TSBP1: variants seen among roughly 807,000 people sequenced by gnomAD.
TSBP1 encodes the protein testis expressed basic protein 1.
TSBP1 carries 56 observed loss-of-function variants against 68.8 expected under a neutral mutation model. That is an observed-to-expected ratio of 0.81 (90% CI 0.66 to 1.02). The LOEUF is 1.02. Ranked by LOEUF, TSBP1 falls within the 50% of genes least tolerant of loss-of-function variation. The pLI is 0.00. For synonymous variants in TSBP1, 171 were observed against 208.7 expected (o/e 0.82, Z 1.56); for missense variants, 502 against 641.2 (o/e 0.78, Z 2.34).
chr6:32,370,407 G>GTGTGTATA lies in TSBP1; in HGVS notation c.14-425_14-424insTATACACA, dbSNP rs1241237254. On this transcript the variant is annotated intron_variant, in intron 1 of 22. Transcript: ENST00000612031. ...TACCTTTAAAGTTGCAAGATTTTCT[G>GTGTGTATA]TATATATATATATATATATATATAT... 4.6e-5 allele frequency among the ~76,000 whole-genome samples: 6 copies of GTGTGTATA among 130,708 alleles called. 1 individual carries two copies. The East Asian group carries it at 1.3e-3, about 28-fold the overall frequency. The allele number at this position is 130,708 out of a possible 152,430, so 85.7% of individuals were successfully genotyped here.
intron 22 of TSBP1, among the ~76,000 whole-genome samples, chr6:32,296,303 CAA>C (rs1277983230): frequency 6.6e-6 from 1 of 152,082 alleles, no homozygotes; most frequent in Non-Finnish European, 1.5e-5. Flanking sequence ...AATTATAAAT[CAA>C]AAGAGTTGTT....
intron 19 of TSBP1, among the ~76,000 whole-genome samples, chr6:32,311,080 G>A (rs186813479): frequency 6.6e-6 from 1 of 152,050 alleles, no homozygotes; most frequent in Admixed American, 6.6e-5. Context: ...CTTCTCTTGA[G>A]TGCTGCGAGA....
chr6:32,347,164 GATTT>G (rs1431095379), intron 9 of TSBP1, among the ~76,000 whole-genome samples: 2 of 64,550 alleles, frequency 3.1e-5, no homozygotes, highest in Non-Finnish European at 5.8e-5. Context: ...AGCCCTCTTA[GATTT>G]TTTTTTTTTT....
In TSBP1 at chr6:32,300,014, C is replaced by G; in HGVS notation, c.623-78G>C. ...AACCCACCTTCCAATAGTATCCTTCCTAGGTGAACTTAGAAACAGGACTTG... is the reference window on the plus strand; with the variant it reads ...AACCCACCTTCCAATAGTATCCTTCGTAGGTGAACTTAGAAACAGGACTTG... On this transcript the variant is annotated intron_variant, in intron 21 of 22. Coordinates refer to ENST00000612031, the Ensembl canonical transcript of TSBP1. 5 of 1,142,318 alleles carry G rather than the reference C, an allele frequency of 4.4e-6. No homozygotes were observed. In the South Asian group the frequency reaches 4.9e-5, roughly 11 times the overall value. The allele number at this position is 1,142,318 out of a possible 1,614,324, so 70.8% of individuals were successfully genotyped here.
In TSBP1 at chr6:32,333,158, G is replaced by A. The variant is rs1423221290; in HGVS notation, c.473-1104C>T. On this transcript the variant is annotated intron_variant, in intron 14 of 22. Coordinates refer to ENST00000612031, the Ensembl canonical transcript of TSBP1. This position sits in a 1 kb window ranked among gnomAD's most constrained non-coding sequence, Gnocchi z 4.2. ...TGAGTAGCTGGGACTGCAGGCGCAC[G>A]ACACCACACCCAGCTAATTTTTGTA... Among the ~76,000 whole-genome samples, 2 of 151,786 alleles carry A rather than the reference G, an allele frequency of 1.3e-5. No homozygotes were observed. Among genetic ancestry groups the A allele is most frequent in the African/African-American group, 2.4e-5 (1 of 41,292 alleles).
intron 9 of TSBP1, among the ~76,000 whole-genome samples, chr6:32,348,698 T>C (rs1017678821): frequency 4.6e-5 from 7 of 152,172 alleles, no homozygotes; most frequent in African/African-American, 1.7e-4. Context: ...TTTTACTCTT[T>C]TGCTAGCTAT....
intron 2 of TSBP1, among the ~76,000 whole-genome samples, chr6:32,369,621 G>A (rs937310749): frequency 9.2e-5 from 14 of 152,162 alleles, no homozygotes; most frequent in South Asian, 2.1e-4. Context: ...CGCCCGCCTT[G>A]GCCTCCCAAA....
At chr6:32,358,106 A>T (rs1397697164) in intron 6 of TSBP1, among the ~76,000 whole-genome samples, 1 of 152,220 alleles carries the variant, frequency 6.6e-6, no homozygotes, top group Non-Finnish European at 1.5e-5. Context: ...TATTAATAAA[A>T]TGAAAAAATG....
chr6:32,294,733 C>G (rs1361104386), intron 22 of TSBP1, among the ~76,000 whole-genome samples: 2 of 151,234 alleles, frequency 1.3e-5, no homozygotes, highest in Non-Finnish European at 2.9e-5. Context: ...TTACTGTAGA[C>G]TACTTCTTGC....
chr6:32,295,381 G>T (rs1764609440), intron 22 of TSBP1, among the ~76,000 whole-genome samples: 1 of 146,806 alleles, frequency 6.8e-6, no homozygotes, highest in Non-Finnish European at 1.5e-5. Context: ...GAAGACCTAG[G>T]TTTATTATTC....
intron 6 of TSBP1, among the ~76,000 whole-genome samples, chr6:32,356,400 TATA>T (rs1242068548): frequency 6.6e-6 from 1 of 152,196 alleles, no homozygotes; most frequent in East Asian, 1.9e-4. Context: ...TTCTCTGTTT[TATA>T]ATAATGTTTC....
In TSBP1 at chr6:32,365,582, G is replaced by A. The variant is rs1007269936; in HGVS notation, c.217+585C>T. 3 of 456,372 alleles carry A rather than the reference G, an allele frequency of 6.6e-6. No individual in the cohort carries two copies. Among genetic ancestry groups the A allele is most frequent in the Middle Eastern group, 3.2e-4 (1 of 3,092 alleles). The allele number at this position is 456,372 out of a possible 1,614,324, so 28.3% of individuals were successfully genotyped here. ...CATCTCAATGTTCTGGGTGGAGTGAGAAATAAGTGGGCTTATCGGACAGCA... is the reference window on the plus strand; with the variant it reads ...CATCTCAATGTTCTGGGTGGAGTGAAAAATAAGTGGGCTTATCGGACAGCA... On this transcript the variant is annotated intron_variant, in intron 6 of 22. Transcript: ENST00000612031. This position sits in a 1 kb window ranked among gnomAD's most constrained non-coding sequence, Gnocchi z 4.3.
At chr6:32,344,636 C>T (rs1770766893) in intron 9 of TSBP1, among the ~76,000 whole-genome samples, 1 of 152,038 alleles carries the variant, frequency 6.6e-6, no homozygotes, top group African/African-American at 2.4e-5. Flanking sequence ...AAAAAAAATC[C>T]CTCACACTAC....
At chr6:32,293,232 G>A (rs1215693549) in exon 23 of TSBP1, 2 of 1,612,018 alleles carry the variant, frequency 1.2e-6, no homozygotes, top group South Asian at 2.2e-5. Context: ...TGTCCTTTTA[G>A]TACACCTGAC....
Position 32,340,670 on chromosome 6 carries a change from A to G in TSBP1, c.350-1032T>C, listed in dbSNP as rs1228103555. On this transcript the variant is annotated intron_variant, in intron 9 of 22. Transcript: ENST00000612031. The surrounding 1 kb of genome is among the most constrained non-coding windows in gnomAD (Gnocchi z 4.8). The stretch of plus-strand genomic sequence containing the variant: ...ATTTTAGGATACATGTGAGCTGAGC[A>G]GGAAAGAGAATCATGATAAATTACT... Among the ~76,000 whole-genome samples, 3 of 152,238 alleles carry G rather than the reference A, an allele frequency of 2.0e-5. No homozygotes were observed. The highest frequency in any genetic ancestry group is 7.2e-5 in the African/African-American group (3 of 41,460).
At position 32,338,859 on chromosome 6, in the gene TSBP1, G is replaced by A; in HGVS notation, c.409+120C>T. 2 of 836,512 alleles carry A rather than the reference G, an allele frequency of 2.4e-6. No homozygotes were observed. The highest frequency in any genetic ancestry group is 2.3e-4 in the Middle Eastern group (1 of 4,386). 51.8% of individuals were successfully genotyped at this position (836,512 alleles called of 1,614,324 possible). ...AGATAAGAATAGGGAATAAACAAGG[G>A]GAAAGGAATGGACAATTTGTGAAAG... On this transcript the variant is annotated intron_variant, in intron 11 of 22. Coordinates refer to ENST00000612031, the Ensembl canonical transcript of TSBP1. This position sits in a 1 kb window ranked among gnomAD's most constrained non-coding sequence, Gnocchi z 5.5.
intron 4 of TSBP1, 51 bp downstream of exon 4, chr6:32,367,874 C>A: frequency 7.2e-7 from 1 of 1,387,386 alleles, no homozygotes. Context: ...GATTCACACT[C>A]TAAAGAGTAT....
intron 9 of TSBP1, among the ~76,000 whole-genome samples, chr6:32,348,823 T>A (rs1771358892): frequency 6.6e-6 from 1 of 152,204 alleles, no homozygotes; most frequent in South Asian, 2.1e-4. Flanking sequence ...CCTTGTCCCC[T>A]ACTCCCATTC....
intron 10 of TSBP1, 64 bp from the exon 12 acceptor site, chr6:32,339,063 A>C: frequency 7.6e-7 from 1 of 1,321,494 alleles, no homozygotes; most frequent in South Asian, 1.2e-5. Flanking sequence ...TATCTCAGGG[A>C]GTTTCAGATC....
Sources: gnomAD v4.1 joint callset for allele counts (sites outside exome capture counted in the v4.1 genomes callset) on GRCh38, gnomAD v4.1.1 for gene constraint, Gnocchi (gnomAD v3.1) non-coding constraint, MANE v1.5 for transcripts, NCBI Gene and HGNC (gene_info 2026-07-23, HGNC 2026-07-21) for gene names.